Variants in PRKAR1A observed in about 807,000 individuals in gnomAD.
The protein encoded by PRKAR1A is cAMP-dependent protein kinase type I-alpha regulatory subunit.
In PRKAR1A, 3 loss-of-function variants were observed where a neutral mutation model predicts 52.0. The observed-to-expected ratio is 0.06, with a 90% CI of 0.03 to 0.15. The LOEUF is 0.15. PRKAR1A is among the 10% of genes least tolerant of loss of function. The probability of loss-of-function intolerance (pLI) is 1.00; values close to 1 mark genes in which losing one functional copy is unlikely to be tolerated. For synonymous variants in PRKAR1A, 188 were observed against 168.4 expected (o/e 1.12, Z -0.90); for missense variants, 240 against 477.4 (o/e 0.50, Z 4.63).
the PRKAR1A span, among the ~76,000 whole-genome samples, chr17:68,494,547 T>TAAATA: frequency 1.3e-5 from 2 of 151,758 alleles, no homozygotes; most frequent in South Asian, 2.1e-4. Flanking sequence ...TCTCAAAAAA[T>TAAATA]AAATAAAATA....
In PRKAR1A at chr17:68,533,430, A is replaced by T. The variant is rs2086031229; in HGVS notation, c.*2981A>T. On this transcript the variant is annotated 3_prime_UTR_variant, in exon 11 of 11. Transcript: ENST00000589228. The stretch of plus-strand genomic sequence containing the variant: ...GTCACAATAAAATGTAACTAAAGAA[A>T]ATTTCTCTGGGTTGACAGTCCTGGT... 6 of 1,054,854 alleles carry T rather than the reference A, an allele frequency of 5.7e-6. No individual in the cohort carries two copies. Among genetic ancestry groups the T allele is most frequent in the Admixed American group, 5.4e-5 (1 of 18,452 alleles). 65.3% of individuals were successfully genotyped at this position (1,054,854 alleles called of 1,614,324 possible).
chr17:68,451,143 C>T, the PRKAR1A span, among the ~76,000 whole-genome samples: 2 of 152,340 alleles, frequency 1.3e-5, no homozygotes, highest in East Asian at 3.9e-4. Flanking sequence ...AAAGAAAACA[C>T]TAGTGGCCTG....
downstream of PRKAR1A, chr17:68,535,182 C>T (rs1201259664): frequency 1.2e-5 from 5 of 433,740 alleles, no homozygotes; most frequent in East Asian, 7.0e-5. Flanking sequence ...TGGAAGAACT[C>T]GAGTAAGAAT....
chr17:68,425,538 T>C, the PRKAR1A span, among the ~76,000 whole-genome samples: 1 of 151,710 alleles, frequency 6.6e-6, no homozygotes, highest in African/African-American at 2.4e-5. Context: ...TCTTAATGAG[T>C]GTCTGCAACT....
rs1343064796 is a variant in PRKAR1A at position 68,533,326 on chromosome 17, T to C, written c.*2877T>C. On this transcript the variant is annotated 3_prime_UTR_variant, in exon 11 of 11. Coordinates refer to ENST00000589228, the MANE Select transcript of PRKAR1A (RefSeq NM_002734.5). ...TATGTTAGAAGAGCATTCTTTAAAT[T>C]GTGTTGCTTTGAACATGTGTACCTT... 3 of 1,063,250 alleles carry C rather than the reference T, an allele frequency of 2.8e-6. No homozygotes were observed. The South Asian group carries it at 1.4e-4, about 48-fold the overall frequency. 65.9% of individuals were successfully genotyped at this position (1,063,250 alleles called of 1,614,324 possible).
the PRKAR1A span, among the ~76,000 whole-genome samples, chr17:68,497,378 C>A: frequency 2.2e-4 from 33 of 152,092 alleles, no homozygotes; most frequent in Non-Finnish European, 3.8e-4. Flanking sequence ...TGCTAGTCCC[C>A]GTTCTAGAGG....
At chr17:68,476,808 G>A in the PRKAR1A span, among the ~76,000 whole-genome samples, 4 of 152,010 alleles carry the variant, frequency 2.6e-5, no homozygotes, top group South Asian at 8.3e-4. Flanking sequence ...GACTACAGGT[G>A]TGTGCCACCA....
At chr17:68,494,847 C>A in the PRKAR1A span, among the ~76,000 whole-genome samples, 26 of 152,266 alleles carry the variant, frequency 1.7e-4, no homozygotes, top group African/African-American at 5.8e-4. Flanking sequence ...ACAGAAGAAT[C>A]CCCCTAGCTG....
At chr17:68,450,554 C>A in the PRKAR1A span, among the ~76,000 whole-genome samples, 1,614 of 152,328 alleles carry the variant, frequency 0.011, 25 homozygotes, top group African/African-American at 0.037. Flanking sequence ...ACGTTACAAC[C>A]AGCACCTGGA....
chr17:68,445,077 C>T, the PRKAR1A span, among the ~76,000 whole-genome samples: 1 of 152,092 alleles, frequency 6.6e-6, no homozygotes, highest in African/African-American at 2.4e-5. Context: ...TGCACCACCA[C>T]ACCTGGCTAA....
At chr17:68,437,270 T>C in the PRKAR1A span, among the ~76,000 whole-genome samples, 1 of 152,002 alleles carries the variant, frequency 6.6e-6, no homozygotes, top group South Asian at 2.1e-4. Context: ...CTGAGAAATT[T>C]CAGGCCAGGC....
At chr17:68,457,364 A>C in the PRKAR1A span, 1 of 1,543,876 alleles carries the variant, frequency 6.5e-7, no homozygotes, top group Non-Finnish European at 8.7e-7. Flanking sequence ...TTGAAAGAGA[A>C]GCAGCTGAGC....
chr17:68,544,353 G>C (rs1362706718), intron 11 of PRKAR1A, among the ~76,000 whole-genome samples: 1 of 152,164 alleles, frequency 6.6e-6, no homozygotes, highest in Non-Finnish European at 1.5e-5. Flanking sequence ...AAAGCGCCAG[G>C]CTGCCTGAGA....
chr17:68,437,036 GTA>G, the PRKAR1A span, among the ~76,000 whole-genome samples: 39,471 of 117,774 alleles, frequency 0.34, 5,827 homozygotes, highest in Admixed American at 0.46. Flanking sequence ...GTGTGTGTGT[GTA>G]TATATTGCTC....
chr17:68,421,473 G>T, the PRKAR1A span: 14 of 387,354 alleles, frequency 3.6e-5, no homozygotes. Context: ...TTAAAAAGGA[G>T]GCCCCTTTTA....
chr17:68,503,320 C>T, the PRKAR1A span, among the ~76,000 whole-genome samples: 31 of 152,090 alleles, frequency 2.0e-4, no homozygotes, highest in African/African-American at 7.5e-4. Flanking sequence ...TTTTTTTTTA[C>T]AAAGCAAAAG....
chr17:68,537,558 G>A (rs1036227169), downstream of PRKAR1A: 1 of 1,613,468 alleles, frequency 6.2e-7, no homozygotes, highest in South Asian at 1.1e-5. This position sits in a 1 kb window ranked among gnomAD's most constrained non-coding sequence, Gnocchi z 4.2. Context: ...GCTGTCCATG[G>A]GCCACTATGC....
intron 2 of PRKAR1A, among the ~76,000 whole-genome samples, chr17:68,521,229 C>T (rs2085596280): frequency 1.3e-5 from 2 of 151,968 alleles, no homozygotes; most frequent in Non-Finnish European, 2.9e-5. Flanking sequence ...TGTGAGCCAC[C>T]ATGCCTGGCC....
the PRKAR1A span, among the ~76,000 whole-genome samples, chr17:68,452,495 G>A: frequency 6.6e-6 from 1 of 152,196 alleles, no homozygotes; most frequent in Non-Finnish European, 1.5e-5. Context: ...AACCCAGGAG[G>A]TGGAGGTTGC....
Sources: gnomAD v4.1 joint callset for allele counts (sites outside exome capture counted in the v4.1 genomes callset) on GRCh38, gnomAD v4.1.1 for gene constraint, Gnocchi (gnomAD v3.1) non-coding constraint, MANE v1.5 for transcripts, NCBI Gene and HGNC (gene_info 2026-07-23, HGNC 2026-07-21) for gene names.